Variants in MORC1 observed in about 807,000 individuals in gnomAD.
The protein encoded by MORC1 is MORC family CW-type zinc finger protein 1.
A neutral mutation model predicts 134.9 loss-of-function variants in MORC1; 59 were observed. The ratio of observed to expected loss-of-function variants is 0.44; its 90% CI spans 0.35 to 0.54. The LOEUF (loss-of-function observed/expected upper bound fraction) is 0.54. MORC1 is among the 20% of genes least tolerant of loss of function. MORC1 has a pLI of 0.00. For missense variants in MORC1, 947 were observed against 1,134.5 expected (o/e 0.83, Z 2.37); for synonymous variants, 395 against 391.7 (o/e 1.01, Z -0.10).
At chr3:109,001,342 T>C (rs963956112) in intron 20 of MORC1, among the ~76,000 whole-genome samples, 8 of 152,172 alleles carry the variant, frequency 5.3e-5, no homozygotes, top group Non-Finnish European at 1.2e-4. Context: ...CTGTCACCAT[T>C]TCTTCATCTT....
chr3:109,039,461 A>C (rs1012059599), intron 14 of MORC1, among the ~76,000 whole-genome samples: 10 of 152,340 alleles, frequency 6.6e-5, no homozygotes, highest in African/African-American at 2.2e-4. Context: ...TTCTGGGAAG[A>C]AGATAGAGTA....
chr3:108,995,836 A>G (rs1258275906), intron 21 of MORC1, among the ~76,000 whole-genome samples: 1 of 152,184 alleles, frequency 6.6e-6, no homozygotes, highest in Non-Finnish European at 1.5e-5. Context: ...ATGCCCATCT[A>G]AAAAACTTTG....
At chr3:108,976,303 C>A (rs1364856837) in intron 24 of MORC1, among the ~76,000 whole-genome samples, 1 of 152,170 alleles carries the variant, frequency 6.6e-6, no homozygotes, top group Non-Finnish European at 1.5e-5. Context: ...AGGTCTCTAA[C>A]TACTACTCTT....
chr3:109,083,515 A>C (rs1459091756), intron 8 of MORC1, among the ~76,000 whole-genome samples: 1 of 152,194 alleles, frequency 6.6e-6, no homozygotes, highest in Non-Finnish European at 1.5e-5. Flanking sequence ...TCACGCCTGT[A>C]ATAAGAAGGT....
At chr3:109,009,258 T>G (rs2107545020) in intron 17 of MORC1, among the ~76,000 whole-genome samples, 1 of 145,466 alleles carries the variant, frequency 6.9e-6, no homozygotes, top group East Asian at 2.0e-4. Context: ...CAGGCTGGAG[T>G]GCAGTGGCGC....
intron 8 of MORC1, among the ~76,000 whole-genome samples, chr3:109,079,527 GAT>G (rs1171608208): frequency 6.6e-6 from 1 of 151,928 alleles, no homozygotes; most frequent in Non-Finnish European, 1.5e-5. Flanking sequence ...AAAAGCCATT[GAT>G]TAAAAAGAAT....
rs1948413825 is a variant in MORC1 at position 109,001,912 on chromosome 3, CCTT to C, written c.2086-1257_2086-1255del. ...ATGCTGTTCTCCACAAGCCCAGTCACCTTCTACAATTCCCAATTTCAATTAATG... is the reference window on the plus strand; with the variant it reads ...ATGCTGTTCTCCACAAGCCCAGTCACCTACAATTCCCAATTTCAATTAATG... On this transcript the variant is annotated intron_variant, in intron 20 of 27. Coordinates refer to ENST00000232603, the MANE Select transcript of MORC1 (RefSeq NM_014429.4). Among the ~76,000 whole-genome samples, 4 of 152,354 alleles carry C rather than the reference CCTT, an allele frequency of 2.6e-5. No individual in the cohort carries two copies. In the South Asian group the frequency reaches 8.3e-4, roughly 32 times the overall value.
intron 3 of MORC1, among the ~76,000 whole-genome samples, chr3:109,109,227 C>G (rs1173944919): frequency 2.6e-5 from 4 of 151,956 alleles, no homozygotes; most frequent in Admixed American, 2.6e-4. Flanking sequence ...ATTTTTTTCC[C>G]TTTTAGCACT....
intron 14 of MORC1, among the ~76,000 whole-genome samples, chr3:109,050,381 T>C (rs1203281719): frequency 6.6e-6 from 1 of 152,174 alleles, no homozygotes; most frequent in Non-Finnish European, 1.5e-5. Context: ...GAGGGCTTGC[T>C]TCCTGGTTCT....
chr3:108,984,273 G>A (rs1474981528), intron 23 of MORC1, among the ~76,000 whole-genome samples: 2 of 151,964 alleles, frequency 1.3e-5, no homozygotes, highest in South Asian at 2.1e-4. Context: ...AAAACATTCA[G>A]CTGATTTCAT....
chr3:109,072,345 A>G (rs1950336785), intron 8 of MORC1, among the ~76,000 whole-genome samples: 1 of 152,054 alleles, frequency 6.6e-6, no homozygotes, highest in South Asian at 2.1e-4. Context: ...CCTGCGGTAT[A>G]CAACTTGAAA....
At chr3:109,078,946 A>G (rs1183019317) in intron 8 of MORC1, among the ~76,000 whole-genome samples, 2 of 151,998 alleles carry the variant, frequency 1.3e-5, no homozygotes, top group African/African-American at 2.4e-5. Flanking sequence ...AAATTCCAAA[A>G]TCTGAATAGA....
At chr3:108,973,825 G>A (rs1027241367) in intron 24 of MORC1, among the ~76,000 whole-genome samples, 1 of 151,650 alleles carries the variant, frequency 6.6e-6, no homozygotes, top group Admixed American at 6.6e-5. Context: ...CAAACTCCTG[G>A]GCTTAAGTGA....
At chr3:109,011,500 T>C (rs1948682388) in intron 17 of MORC1, among the ~76,000 whole-genome samples, 1 of 152,024 alleles carries the variant, frequency 6.6e-6, no homozygotes, top group Non-Finnish European at 1.5e-5. Context: ...CATTGTCTTA[T>C]TATTGTTTTT....
intron 17 of MORC1, among the ~76,000 whole-genome samples, chr3:109,019,548 G>C (rs1232413623): frequency 5.3e-5 from 8 of 152,162 alleles, no homozygotes; most frequent in Non-Finnish European, 2.9e-5. Flanking sequence ...ACGTTGGCCA[G>C]AGGGGCAATA....
At chr3:109,040,444 G>GA (rs1190015650) in intron 14 of MORC1, among the ~76,000 whole-genome samples, 4 of 119,748 alleles carry the variant, frequency 3.3e-5, no homozygotes, top group Non-Finnish European at 7.1e-5. Flanking sequence ...AAGAAAGAAA[G>GA]AAAGAAAGAA....
chr3:109,040,734 G>A (rs1004643389), intron 14 of MORC1, among the ~76,000 whole-genome samples: 4 of 149,730 alleles, frequency 2.7e-5, no homozygotes, highest in African/African-American at 9.9e-5. Context: ...GGTGGCTGAG[G>A]CATGAGAATC....
intron 20 of MORC1, among the ~76,000 whole-genome samples, chr3:109,004,517 A>G (rs748644149): frequency 6.6e-6 from 1 of 152,234 alleles, no homozygotes; most frequent in African/African-American, 2.4e-5. Context: ...TCTCAAAAAA[A>G]AAGAATTAAA....
intron 17 of MORC1, among the ~76,000 whole-genome samples, chr3:109,019,767 G>A (rs184336927): frequency 1.3e-5 from 2 of 152,268 alleles, no homozygotes; most frequent in African/African-American, 4.8e-5. Context: ...CATTCTAAGT[G>A]TTATTATCAT....
Sources: gnomAD v4.1 joint callset for allele counts (sites outside exome capture counted in the v4.1 genomes callset) on GRCh38, gnomAD v4.1.1 for gene constraint, MANE v1.5 for transcripts, NCBI Gene and HGNC (gene_info 2026-07-23, HGNC 2026-07-21) for gene names.